Variants in CELF4 observed in about 807,000 individuals in gnomAD.
The protein encoded by CELF4 is CUGBP Elav-like family member 4.
Under a neutral mutation model 59.9 loss-of-function variants are expected in CELF4, and 18 were observed. The ratio of observed to expected loss-of-function variants is 0.30; its 90% CI spans 0.21 to 0.45. CELF4 has a LOEUF of 0.45. CELF4 is among the 20% of genes least tolerant of loss of function. The probability of loss-of-function intolerance (pLI) is 1.00; values close to 1 mark genes in which losing one functional copy is unlikely to be tolerated. For synonymous variants in CELF4, 261 were observed against 267.1 expected (o/e 0.98, Z 0.22); for missense variants, 456 against 689.0 (o/e 0.66, Z 3.79).
intron 2 of CELF4, among the ~76,000 whole-genome samples, chr18:37,408,491 C>CGG (rs777473520): frequency 0.26 from 10,704 of 40,878 alleles, 634 homozygotes; most frequent in East Asian, 0.45. Context: ...TTGGTTGGTG[C>CGG]CGGGGGGGGG....
At chr18:37,558,739 C>A (rs930015224) in intron 1 of CELF4, among the ~76,000 whole-genome samples, 2 of 151,818 alleles carry the variant, frequency 1.3e-5, no homozygotes, top group Non-Finnish European at 2.9e-5. Context: ...CCCTGCCACG[C>A]CCTGCTTGGA....
intron 2 of CELF4, among the ~76,000 whole-genome samples, chr18:37,467,971 G>A (rs1269062824): frequency 1.3e-5 from 2 of 151,964 alleles, no homozygotes; most frequent in African/African-American, 4.9e-5. Context: ...GTACTCTGTT[G>A]TGTGTATGTG....
At chr18:37,385,936 G>A (rs2099094611) in intron 2 of CELF4, among the ~76,000 whole-genome samples, 1 of 152,228 alleles carries the variant, frequency 6.6e-6, no homozygotes, top group African/African-American at 2.4e-5. Context: ...TACACTCATA[G>A]TGCTCAAGTG....
At chr18:37,312,236 A>G (rs1365109909) in intron 3 of CELF4, among the ~76,000 whole-genome samples, 1 of 149,858 alleles carries the variant, frequency 6.7e-6, no homozygotes, top group Non-Finnish European at 1.5e-5. Flanking sequence ...TGCTAAAGCA[A>G]AAATGGCAGG....
chr18:37,476,582 T>C (rs1603642139), intron 2 of CELF4, among the ~76,000 whole-genome samples: 1 of 152,206 alleles, frequency 6.6e-6, no homozygotes, highest in South Asian at 2.1e-4. Flanking sequence ...CACCCAGGCT[T>C]GCCCATTTTT....
intron 2 of CELF4, among the ~76,000 whole-genome samples, chr18:37,393,110 G>A (rs975079036): frequency 6.6e-6 from 1 of 151,788 alleles, no homozygotes; most frequent in African/African-American, 2.4e-5. Context: ...GAGACACAGG[G>A]ACTGCGGTGT....
At chr18:37,515,662 C>T (rs144942954) in intron 1 of CELF4, among the ~76,000 whole-genome samples, 58 of 152,270 alleles carry the variant, frequency 3.8e-4, no homozygotes, top group South Asian at 2.9e-3. Context: ...TCAAGGGTGG[C>T]GGTGGATCCA....
intron 2 of CELF4, among the ~76,000 whole-genome samples, chr18:37,434,901 A>G (rs933611874): frequency 6.6e-6 from 1 of 152,148 alleles, no homozygotes; most frequent in Non-Finnish European, 1.5e-5. Context: ...TGAAGCCCTG[A>G]GCAGGGAAAA....
intron 2 of CELF4, among the ~76,000 whole-genome samples, chr18:37,476,490 G>A (rs1039555245): frequency 6.6e-6 from 1 of 152,162 alleles, no homozygotes; most frequent in African/African-American, 2.4e-5. Flanking sequence ...TATCTCCCCT[G>A]CACTCCAGCC....
At chr18:37,390,084 T>C (rs2099142029) in intron 2 of CELF4, among the ~76,000 whole-genome samples, 1 of 152,238 alleles carries the variant, frequency 6.6e-6, no homozygotes, top group Non-Finnish European at 1.5e-5. Flanking sequence ...CCTGTTGGGA[T>C]GGCCCCTCTG....
At chr18:37,552,596 C>G (rs1333695976) in intron 1 of CELF4, among the ~76,000 whole-genome samples, 1 of 152,232 alleles carries the variant, frequency 6.6e-6, no homozygotes, top group Non-Finnish European at 1.5e-5. Flanking sequence ...TAATCACTGG[C>G]TCAGCCAAGA....
chr18:37,318,109 G>A (rs1210965801), intron 3 of CELF4, among the ~76,000 whole-genome samples: 1 of 152,180 alleles, frequency 6.6e-6, no homozygotes, highest in Non-Finnish European at 1.5e-5. Context: ...GGGCAGCTGT[G>A]GATGGGTGTC....
At chr18:37,437,557 C>T (rs975824043) in intron 2 of CELF4, among the ~76,000 whole-genome samples, 1 of 152,184 alleles carries the variant, frequency 6.6e-6, no homozygotes, top group Admixed American at 6.5e-5. Context: ...CTTCCCCACT[C>T]CCACCCATCT....
chr18:37,557,078 T>G (rs746858917), intron 1 of CELF4, among the ~76,000 whole-genome samples: 32 of 152,216 alleles, frequency 2.1e-4, no homozygotes, highest in Non-Finnish European at 3.8e-4. Context: ...ATGCTTCAGC[T>G]GCAAGCATTT....
At chr18:37,264,979 C>T (rs573812297) in intron 9 of CELF4, among the ~76,000 whole-genome samples, 39 of 149,542 alleles carry the variant, frequency 2.6e-4, no homozygotes, top group African/African-American at 7.7e-4. Context: ...TGTGTGTGTG[C>T]GTGTGTGTAC....
In CELF4 at chr18:37,310,904, T is replaced by G. The variant is rs117736479; in HGVS notation, c.448+10899A>C. ...GTCTCTCTCCTCCACGCTCACATAG[T>G]GGCCGGGCCAGACGGTAGTGACATG... On this transcript the variant is annotated intron_variant, in intron 3 of 12. Transcript: ENST00000420428. 5.5e-4 allele frequency among the ~76,000 whole-genome samples: 83 copies of G among 152,274 alleles called. 1 individual carries two copies. The East Asian group carries it at 0.014, about 26-fold the overall frequency.
chr18:37,426,797 T>C (rs2099615932), intron 2 of CELF4, among the ~76,000 whole-genome samples: 1 of 152,130 alleles, frequency 6.6e-6, no homozygotes, highest in Admixed American at 6.5e-5. Context: ...TTGCTGCACA[T>C]TAAATTCATT....
intron 2 of CELF4, among the ~76,000 whole-genome samples, chr18:37,397,365 C>G (rs1231119202): frequency 6.6e-6 from 1 of 152,214 alleles, no homozygotes; most frequent in Non-Finnish European, 1.5e-5. Context: ...CTAGACAAAG[C>G]CATGATCCCT....
At chr18:37,559,869 T>C (rs537909945) in intron 1 of CELF4, among the ~76,000 whole-genome samples, 5 of 152,342 alleles carry the variant, frequency 3.3e-5, no homozygotes, top group East Asian at 3.9e-4. Flanking sequence ...GCAGTGGGAA[T>C]GCCCTGGGAC....
Sources: gnomAD v4.1 joint callset for allele counts (sites outside exome capture counted in the v4.1 genomes callset) on GRCh38, gnomAD v4.1.1 for gene constraint, MANE v1.5 for transcripts, NCBI Gene and HGNC (gene_info 2026-07-23, HGNC 2026-07-21) for gene names.